HK1: variants seen among roughly 807,000 people sequenced by gnomAD.
HK1 encodes hexokinase 1.
Under a neutral mutation model 91.6 loss-of-function variants are expected in HK1, and 28 were observed. The observed-to-expected ratio is 0.31, with a 90% CI of 0.23 to 0.42. The LOEUF is 0.42. Ranked by LOEUF, HK1 falls within the 10% of genes least tolerant of loss-of-function variation. The probability of loss-of-function intolerance (pLI) is 1.00; values close to 1 mark genes in which losing one functional copy is unlikely to be tolerated. For synonymous variants in HK1, 430 were observed against 468.1 expected (o/e 0.92, Z 1.05); for missense variants, 770 against 1,219.8 (o/e 0.63, Z 5.49).
intron 3 of HK1, among the ~76,000 whole-genome samples, chr10:69,361,490 C>T (rs954461310): frequency 6.6e-6 from 1 of 152,254 alleles, no homozygotes; most frequent in African/African-American, 2.4e-5. Flanking sequence ...TTCCCAAGGT[C>T]CTTGGGTTGA....
intron 1 of HK1, among the ~76,000 whole-genome samples, chr10:69,275,242 C>T (rs866846221): frequency 3.3e-5 from 5 of 150,544 alleles, no homozygotes; most frequent in East Asian, 1.9e-4. Flanking sequence ...CTTTTAAGGC[C>T]GGGCACGGTG....
intron 2 of HK1, among the ~76,000 whole-genome samples, chr10:69,349,561 G>A (rs67711332): frequency 0.1 from 15,695 of 152,222 alleles, 1,335 homozygotes; most frequent in African/African-American, 0.22. Flanking sequence ...GGATTCGCTG[G>A]CATCTCTGTG....
intron 1 of HK1, among the ~76,000 whole-genome samples, chr10:69,326,666 C>T (rs1040171617): frequency 6.6e-6 from 1 of 152,154 alleles, no homozygotes; most frequent in Non-Finnish European, 1.5e-5. Context: ...ATTTGAGGCA[C>T]ATAAAAGAAG....
intron 4 of HK1, among the ~76,000 whole-genome samples, 157 bp downstream of exon 4, chr10:69,365,059 T>A (rs1849632456): frequency 6.6e-6 from 1 of 152,184 alleles, no homozygotes; most frequent in Non-Finnish European, 1.5e-5. Flanking sequence ...GGTATCATGA[T>A]ATAGTGTTTA....
At chr10:69,297,689 G>A (rs1472941092) in intron 4 of HK1, among the ~76,000 whole-genome samples, 1 of 148,576 alleles carries the variant, frequency 6.7e-6, no homozygotes, top group Non-Finnish European at 1.5e-5. Flanking sequence ...GAGGTCGGGT[G>A]TTTAAGACCA....
chr10:69,395,087 T>A lies in HK1; in HGVS notation c.2357T>A (p.Phe786Tyr). The change falls in exon 16 of 18, where the codon TTT becomes TAT. Residue 786 changes from phenylalanine to tyrosine, a missense_variant. Physicochemically the swap from Phe to Tyr is conservative, Grantham distance 22 (BLOSUM62 3). Around this residue, in one of 7 missense-constraint regions of HK1, gnomAD observed 25 missense variants for 74.1 expected, o/e 0.34. Coordinates refer to ENST00000359426, the MANE Select transcript of HK1 (RefSeq NM_000188.3). Reference sequence around the variant, plus strand: ...ACCCGGGGCATCTTTGAGACCAAGTTTCTCTCTCAGATCGAGAGGTGAGTG... The same window carrying A: ...ACCCGGGGCATCTTTGAGACCAAGTATCTCTCTCAGATCGAGAGGTGAGTG... Reference protein sequence around the residue: ...LKTRGIFETKFLSQIESDRLA... With the variant: ...LKTRGIFETKYLSQIESDRLA... 1 of 1,613,976 alleles carries A rather than the reference T, an allele frequency of 6.2e-7. No individual in the cohort carries two copies. The highest frequency in any genetic ancestry group is 8.5e-7 in the Non-Finnish European group (1 of 1,179,982).
intron 3 of HK1, among the ~76,000 whole-genome samples, chr10:69,360,840 G>A (rs1274908551): frequency 6.6e-6 from 1 of 152,200 alleles, no homozygotes; most frequent in African/African-American, 2.4e-5. Context: ...GGGGCAAGGT[G>A]CACTCCTCCT....
At chr10:69,273,927 A>G (rs1452503959) in intron 1 of HK1, among the ~76,000 whole-genome samples, 1 of 152,060 alleles carries the variant, frequency 6.6e-6, no homozygotes, top group African/African-American at 2.4e-5. Context: ...CATCTGGGTT[A>G]CCTGTAGGAC....
chr10:69,284,457 A>G (rs1405964888), intron 2 of HK1, among the ~76,000 whole-genome samples: 1 of 152,188 alleles, frequency 6.6e-6, no homozygotes, highest in Non-Finnish European at 1.5e-5. Flanking sequence ...TAGTGGGTAC[A>G]TCCTCTCTGA....
chr10:69,292,833 T>C (rs1419524404), intron 3 of HK1, among the ~76,000 whole-genome samples: 2 of 152,120 alleles, frequency 1.3e-5, no homozygotes, highest in African/African-American at 2.4e-5. Flanking sequence ...GCAGAGTCCT[T>C]TGAAGTCCCT....
upstream of HK1, among the ~76,000 whole-genome samples, chr10:69,313,169 T>C (rs1165527670): frequency 6.6e-6 from 1 of 152,232 alleles, no homozygotes; most frequent in Non-Finnish European, 1.5e-5. Context: ...CCAGCCCTAA[T>C]AATGGGAGGC....
chr10:69,396,873 T>A (rs1840168112), intron 16 of HK1, among the ~76,000 whole-genome samples: 1 of 152,050 alleles, frequency 6.6e-6, no homozygotes, highest in Admixed American at 6.6e-5. Context: ...TTAGTAGAGA[T>A]GGGGTTTCCC....
upstream of HK1, among the ~76,000 whole-genome samples, chr10:69,314,506 C>A (rs1311909294): frequency 6.6e-6 from 1 of 152,152 alleles, no homozygotes; most frequent in Admixed American, 6.5e-5. Context: ...CTAAGATGCT[C>A]CAATGGTTTA....
chr10:69,386,442 T>A (rs1243305145), intron 13 of HK1, 24 bp downstream of exon 13: 15 of 1,563,346 alleles, frequency 9.6e-6, no homozygotes, highest in East Asian at 9.0e-5. Flanking sequence ...GAATGTTTTT[T>A]AAAATCTTTA....
At chr10:69,392,037 TG>T in intron 14 of HK1, 87 bp from the exon 15 acceptor site, 1 of 1,334,542 alleles carries the variant, frequency 7.5e-7, no homozygotes, top group Non-Finnish European at 1.1e-6. Flanking sequence ...CCCCTGCCTG[TG>T]GAACCTCAGG....
chr10:69,341,090 G>A (rs1848267381), intron 1 of HK1, among the ~76,000 whole-genome samples: 1 of 152,032 alleles, frequency 6.6e-6, no homozygotes, highest in African/African-American at 2.4e-5. Flanking sequence ...AATAGGGCAT[G>A]GCTTGTCTCT....
upstream of HK1, chr10:69,316,022 G>A: frequency 6.2e-7 from 1 of 1,612,992 alleles, no homozygotes; most frequent in Non-Finnish European, 8.5e-7. Context: ...GGGGTGAGTA[G>A]CTGTGGTCCA....
chr10:69,334,941 C>T (rs1377916576), intron 1 of HK1, among the ~76,000 whole-genome samples: 3 of 152,124 alleles, frequency 2.0e-5, no homozygotes, highest in Non-Finnish European at 1.5e-5. Flanking sequence ...GGGAGGTGAG[C>T]TTTGGGAGGA....
chr10:69,282,176 C>A (rs1844784639), intron 1 of HK1, among the ~76,000 whole-genome samples: 1 of 152,184 alleles, frequency 6.6e-6, no homozygotes. Flanking sequence ...CTTGTTGGGA[C>A]ACTTCCAGGA....
Sources: gnomAD v4.1 joint callset for allele counts (sites outside exome capture counted in the v4.1 genomes callset) on GRCh38, gnomAD v4.1.1 for gene constraint, gnomAD v4.1.1 regional missense constraint, MANE v1.5 for transcripts, NCBI Gene and HGNC (gene_info 2026-07-23, HGNC 2026-07-21) for gene names.